The following JAKMIP3 variants were observed in gnomAD, a reference collection of about 807,000 sequenced individuals.
JAKMIP3 encodes the protein janus kinase and microtubule-interacting protein 3.
Under a neutral mutation model 118.5 loss-of-function variants are expected in JAKMIP3, and 58 were observed. The observed-to-expected ratio is 0.49, with a 90% CI of 0.40 to 0.61. JAKMIP3 has a LOEUF of 0.61. Among genes scored for constraint, JAKMIP3 ranks in the 20% least tolerant of loss-of-function variants. JAKMIP3 has a pLI of 0.00. For synonymous variants in JAKMIP3, 486 were observed against 451.2 expected (o/e 1.08, Z -0.98); for missense variants, 950 against 1,109.0 (o/e 0.86, Z 2.04).
chr10:132,099,339 T>A (rs957641481), intron 1 of JAKMIP3, among the ~76,000 whole-genome samples: 1 of 152,184 alleles, frequency 6.6e-6, no homozygotes, highest in African/African-American at 2.4e-5. Context: ...AAAACGACTT[T>A]ACCAGAGGTC....
chr10:132,090,432 G>T (rs754406167), intron 1 of JAKMIP3, among the ~76,000 whole-genome samples: 18 of 152,150 alleles, frequency 1.2e-4, no homozygotes, highest in Non-Finnish European at 2.2e-4. Context: ...TCCTGGTTTA[G>T]TCTTGGGAGG....
At chr10:132,063,160 G>A (rs1260355291), upstream of JAKMIP3, among the ~76,000 whole-genome samples, 1 of 152,188 alleles carries the variant, frequency 6.6e-6, no homozygotes, top group Non-Finnish European at 1.5e-5. Context: ...CTGCCCGTGG[G>A]TGGGAAAGGG....
intron 4 of JAKMIP3, 151 bp from the exon 5 acceptor site, chr10:132,134,890 C>T (rs543047417): frequency 3.5e-5 from 34 of 982,124 alleles, no homozygotes; most frequent in Admixed American, 7.7e-5. Context: ...GGTGCCTTTC[C>T]CCGGGGGGCT....
intron 23 of JAKMIP3, among the ~76,000 whole-genome samples, chr10:132,172,634 GC>G (rs2059611210): frequency 1.3e-5 from 2 of 151,888 alleles, no homozygotes; most frequent in African/African-American, 4.8e-5. Flanking sequence ...CTGGGTCGTG[GC>G]CCAGCCAGGC....
chr10:132,135,043 A>G lies in JAKMIP3; in HGVS notation c.852A>G (p.Glu284=), dbSNP rs201465517. 1,084 of 1,613,146 alleles carry G rather than the reference A, an allele frequency of 6.7e-4. 1 individual carries two copies. The highest frequency in any genetic ancestry group is 8.0e-4 in the Non-Finnish European group (947 of 1,179,170). The change falls in exon 5 of 24, where the codon GAA becomes GAG. Residue 284 remains glutamate, a splice_region_variant and synonymous_variant. Coordinates refer to ENST00000684848, the MANE Select transcript of JAKMIP3 (RefSeq NM_001323087.2). The stretch of plus-strand genomic sequence containing the variant: ...TTTGCAGTTGATTTTTGTTTTAGGA[A>G]CAGCAGTTGGATGAAAAAGATGCCC... ...GDASDHSGSP[E]QQLDEKDARR...
Position 132,137,241 on chromosome 10 carries a change from C to A in JAKMIP3, c.1249-13C>A. 2 of 1,613,934 alleles carry A rather than the reference C, an allele frequency of 1.2e-6. No individual in the cohort carries two copies. Among genetic ancestry groups the A allele is most frequent in the Non-Finnish European group, 1.7e-6 (2 of 1,179,880 alleles). On this transcript the variant is annotated splice_polypyrimidine_tract_variant and intron_variant, in intron 7 of 23. Coordinates refer to ENST00000684848, the MANE Select transcript of JAKMIP3 (RefSeq NM_001323087.2). ...CCTGAGCAATTCCGTAACATGCTGT[C>A]TTCCTTTCCTAGACCCTTGAGACCG...
chr10:132,064,710 C>A (rs1366016436), upstream of JAKMIP3, among the ~76,000 whole-genome samples: 1 of 152,170 alleles, frequency 6.6e-6, no homozygotes, highest in African/African-American at 2.4e-5. The surrounding 1 kb of genome is among the most constrained non-coding windows in gnomAD (Gnocchi z 4.4). Context: ...TTTGGCCAGA[C>A]GTGTGGCCAT....
At chr10:132,150,807 A>G (rs2056010531) in intron 16 of JAKMIP3, among the ~76,000 whole-genome samples, 4 of 147,696 alleles carry the variant, frequency 2.7e-5, no homozygotes, top group Admixed American at 2.0e-4. Context: ...TCCATCCTCC[A>G]TAATCCATCT....
chr10:132,103,507 TTGG>T (rs899812658), intron 1 of JAKMIP3, among the ~76,000 whole-genome samples: 1 of 92,162 alleles, frequency 1.1e-5, no homozygotes, highest in African/African-American at 5.7e-5. Context: ...GAGGAGTAGC[TTGG>T]TGGGGGGAGC....
intron 9 of JAKMIP3, among the ~76,000 whole-genome samples, chr10:132,140,030 T>G (rs1166952442): frequency 6.6e-6 from 1 of 152,074 alleles, no homozygotes; most frequent in African/African-American, 2.4e-5. Flanking sequence ...GAGGACCCCG[T>G]TTTTGTTTGT....
At chr10:132,143,840 C>T (rs183793602) in intron 11 of JAKMIP3, 4 of 152,356 alleles carry the variant, frequency 2.6e-5, no homozygotes, top group African/African-American at 4.8e-5. Flanking sequence ...CTGTGGGCTC[C>T]GTTTCCCTGT....
At chr10:132,122,200 G>T (rs552218460) in intron 3 of JAKMIP3, among the ~76,000 whole-genome samples, 1 of 152,298 alleles carries the variant, frequency 6.6e-6, no homozygotes, top group South Asian at 2.1e-4. Flanking sequence ...CTCCCCGGCT[G>T]TCGGGGCCCT....
intron 1 of JAKMIP3, among the ~76,000 whole-genome samples, chr10:132,096,915 A>G (rs1308492864): frequency 6.6e-6 from 1 of 152,186 alleles, no homozygotes; most frequent in African/African-American, 2.4e-5. Flanking sequence ...GGCTCAGACA[A>G]ACCATCCCCA....
upstream of JAKMIP3, among the ~76,000 whole-genome samples, chr10:132,065,216 G>A (rs746174976): frequency 6.6e-6 from 1 of 152,052 alleles, no homozygotes; most frequent in Non-Finnish European, 1.5e-5. The surrounding 1 kb of genome is among the most constrained non-coding windows in gnomAD (Gnocchi z 5.6). Context: ...CAGACCCTGC[G>A]TTTTCTACAG....
intron 11 of JAKMIP3, among the ~76,000 whole-genome samples, chr10:132,142,271 G>A (rs541400533): frequency 4.8e-4 from 73 of 152,316 alleles, no homozygotes; most frequent in African/African-American, 1.5e-3. Flanking sequence ...GGCCCAGAGC[G>A]GTGCCAGGCA....
intron 1 of JAKMIP3, among the ~76,000 whole-genome samples, chr10:132,083,123 G>T (rs1297371431): frequency 1.3e-5 from 2 of 152,186 alleles, no homozygotes; most frequent in South Asian, 2.1e-4. Flanking sequence ...TTTCCATAGT[G>T]GCTGTACTAG....
At chr10:132,055,995 A>G (rs1309277575) in intron 1 of JAKMIP3, among the ~76,000 whole-genome samples, 1 of 152,200 alleles carries the variant, frequency 6.6e-6, no homozygotes, top group Admixed American at 6.5e-5. Flanking sequence ...TGCTGTGAAC[A>G]TGACTCCACC....
chr10:132,132,933 C>T (rs1278800325), intron 3 of JAKMIP3, among the ~76,000 whole-genome samples: 1 of 152,254 alleles, frequency 6.6e-6, no homozygotes, highest in African/African-American at 2.4e-5. Flanking sequence ...GTGTCCTCCT[C>T]TCTGTCCAAC....
In JAKMIP3 at chr10:132,117,597, G is replaced by C; in HGVS notation, c.633+23G>C. ...CTGGTACGTGGGCAGGCAGGGGCGG[G>C]CGTGGGCGAGGGTGCAGGGGCGGGC... is the stretch of plus-strand genomic sequence containing the variant. On this transcript the variant is annotated intron_variant, in intron 3 of 23. Transcript: ENST00000684848. This position sits in a 1 kb window ranked among gnomAD's most constrained non-coding sequence, Gnocchi z 8.6. The C allele has an allele frequency of 1.1e-6, 1 of 897,468 alleles. No homozygotes were observed. The highest frequency in any genetic ancestry group is 1.5e-6 in the Non-Finnish European group (1 of 689,646). 55.6% of individuals were successfully genotyped at this position (897,468 alleles called of 1,614,324 possible). A position where few individuals can be genotyped will look rare whatever the true frequency, so the allele number is the denominator to read the frequency against.
Sources: gnomAD v4.1 joint callset for allele counts (sites outside exome capture counted in the v4.1 genomes callset) on GRCh38, gnomAD v4.1.1 for gene constraint, Gnocchi (gnomAD v3.1) non-coding constraint, MANE v1.5 for transcripts, NCBI Gene and HGNC (gene_info 2026-07-23, HGNC 2026-07-21) for gene names.